The following DAB2IP variants were observed in gnomAD, a reference collection of about 807,000 sequenced individuals.
The protein encoded by DAB2IP is disabled homolog 2-interacting protein.
A neutral mutation model predicts 107.2 loss-of-function variants in DAB2IP; 28 were observed. The observed-to-expected ratio is 0.26, with a 90% confidence interval of 0.19 to 0.36. The LOEUF is 0.36. Ranked by LOEUF, DAB2IP falls within the 10% of genes least tolerant of loss-of-function variation. The pLI, the probability that DAB2IP is intolerant of heterozygous loss-of-function variation, is 1.00. For synonymous variants in DAB2IP, 755 were observed against 706.4 expected, an observed-to-expected ratio of 1.07 and a Z score of -1.09; for missense variants, 1,400 against 1,644.7, an observed-to-expected ratio of 0.85 and a Z score of 2.57.
At chr9:121,714,844 A>G (rs1289026658) in intron 3 of DAB2IP, among the ~76,000 whole-genome samples, 1 of 152,202 alleles carries the variant, frequency 6.6e-6, no homozygotes, top group Admixed American at 6.5e-5. Flanking sequence ...TGACAAAAGG[A>G]GTAAGCTGAG....
At chr9:121,632,819 C>T (rs1831943740) in intron 1 of DAB2IP, among the ~76,000 whole-genome samples, 1 of 152,356 alleles carries the variant, frequency 6.6e-6, no homozygotes, top group Non-Finnish European at 1.5e-5. Flanking sequence ...GCGCTGGAGC[C>T]TCCCTGAAGA....
chr9:121,609,520 G>A (rs1300093579), intron 1 of DAB2IP, among the ~76,000 whole-genome samples: 1 of 152,180 alleles, frequency 6.6e-6, no homozygotes, highest in Admixed American at 6.5e-5. Context: ...GATTGTTCCA[G>A]CAACACTGAC....
intron 1 of DAB2IP, among the ~76,000 whole-genome samples, chr9:121,641,184 A>G (rs1832274470): frequency 6.6e-6 from 1 of 152,126 alleles, no homozygotes; most frequent in South Asian, 2.1e-4. Flanking sequence ...TAGGGGCCCA[A>G]CCCTTCCTTG....
At chr9:121,739,828 A>G (rs1832202357) in intron 3 of DAB2IP, among the ~76,000 whole-genome samples, 1 of 152,160 alleles carries the variant, frequency 6.6e-6, no homozygotes, top group Non-Finnish European at 1.5e-5. Flanking sequence ...AGTGGAAAGA[A>G]TCACCAAAGG....
chr9:121,767,486 A>G (rs865860471), intron 9 of DAB2IP, among the ~76,000 whole-genome samples: 1 of 152,214 alleles, frequency 6.6e-6, no homozygotes, highest in African/African-American at 2.4e-5. Context: ...CCCCAACTGC[A>G]TGTCAGGGTG....
chr9:121,596,048 C>T (rs956045590), intron 1 of DAB2IP, among the ~76,000 whole-genome samples: 5 of 151,848 alleles, frequency 3.3e-5, no homozygotes, highest in Admixed American at 2.0e-4. Flanking sequence ...AGGCCAGGCG[C>T]GGTGGCTCAT....
At chr9:121,641,769 T>A (rs138269128) in intron 1 of DAB2IP, among the ~76,000 whole-genome samples, 17 of 71,560 alleles carry the variant, frequency 2.4e-4, no homozygotes, top group Non-Finnish European at 4.3e-4. Context: ...ACAGCCAGCC[T>A]GCCTGCCTGC....
intron 3 of DAB2IP, chr9:121,743,037 G>A: frequency 1.0e-6 from 1 of 963,518 alleles, no homozygotes; most frequent in Non-Finnish European, 1.2e-6. Context: ...GCCTCGTGGA[G>A]GGAGCAGGTG....
chr9:121,632,699 G>A (rs937108352), intron 1 of DAB2IP, among the ~76,000 whole-genome samples: 24 of 152,208 alleles, frequency 1.6e-4, no homozygotes, highest in Admixed American at 6.5e-5. Flanking sequence ...TCCCAGGGTC[G>A]GGAAGGTGCA....
chr9:121,734,269 C>T (rs531676726), intron 3 of DAB2IP, among the ~76,000 whole-genome samples: 1 of 148,060 alleles, frequency 6.8e-6, no homozygotes, highest in Non-Finnish European at 1.5e-5. Flanking sequence ...CCCAGCTACT[C>T]GGGAGGCTGA....
chr9:121,598,942 CG>C (rs934849166), intron 1 of DAB2IP, among the ~76,000 whole-genome samples: 1 of 152,168 alleles, frequency 6.6e-6, no homozygotes, highest in African/African-American at 2.4e-5. Flanking sequence ...CAGACGTTCG[CG>C]GGACGTTCCC....
At chr9:121,753,647 G>A (rs867133861) in intron 3 of DAB2IP, among the ~76,000 whole-genome samples, 5 of 152,182 alleles carry the variant, frequency 3.3e-5, no homozygotes, top group African/African-American at 1.2e-4. Context: ...CTGTAAAATG[G>A]GTAGATGAAT....
chr9:121,596,573 C>T (rs960939185), intron 1 of DAB2IP, among the ~76,000 whole-genome samples: 1 of 150,812 alleles, frequency 6.6e-6, no homozygotes, highest in African/African-American at 2.5e-5. Context: ...GCAACATGTT[C>T]TCCCTCCCCT....
chr9:121,763,673 G>A, intron 7 of DAB2IP, 24 bp downstream of exon 7: 1 of 1,612,324 alleles, frequency 6.2e-7, no homozygotes, highest in Non-Finnish European at 8.5e-7. Context: ...CAGCAGCAGG[G>A]CAGAGGGTGG....
At chr9:121,585,471 T>C (rs1830291911) in intron 1 of DAB2IP, among the ~76,000 whole-genome samples, 1 of 152,220 alleles carries the variant, frequency 6.6e-6, no homozygotes, top group African/African-American at 2.4e-5. Flanking sequence ...AGAACAGGGC[T>C]GCACGAGGGT....
At chr9:121,740,531 G>A (rs1186967451) in intron 3 of DAB2IP, among the ~76,000 whole-genome samples, 1 of 152,212 alleles carries the variant, frequency 6.6e-6, no homozygotes, top group Non-Finnish European at 1.5e-5. Flanking sequence ...TCCTTTATGT[G>A]TTTGGCTTCT....
chr9:121,717,680 C>T (rs1296974771), intron 3 of DAB2IP, among the ~76,000 whole-genome samples: 2 of 152,202 alleles, frequency 1.3e-5, no homozygotes, highest in Non-Finnish European at 2.9e-5. Flanking sequence ...AACCACATGC[C>T]GGGCACTGAG....
chr9:121,671,386 A>C (rs919713346), intron 1 of DAB2IP, among the ~76,000 whole-genome samples: 1 of 152,168 alleles, frequency 6.6e-6, no homozygotes, highest in African/African-American at 2.4e-5. Context: ...TCACCTCGAT[A>C]ATTCAGGATG....
At chr9:121,703,539 G>C (rs1829893332) in intron 3 of DAB2IP, among the ~76,000 whole-genome samples, 1 of 152,160 alleles carries the variant, frequency 6.6e-6, no homozygotes, top group African/African-American at 2.4e-5. Context: ...TGCAGCCTCA[G>C]TTTGCTCATC....
Sources: gnomAD v4.1 joint callset for allele counts (sites outside exome capture counted in the v4.1 genomes callset) on GRCh38, gnomAD v4.1.1 for gene constraint, MANE v1.5 for transcripts, NCBI Gene and HGNC (gene_info 2026-07-23, HGNC 2026-07-21) for gene names.